Variants in SHROOM4 observed in about 807,000 individuals in gnomAD.
SHROOM4 encodes the protein shroom family member 4.
In SHROOM4, 17 loss-of-function variants were observed where a neutral mutation model predicts 80.3. The observed-to-expected ratio is 0.21, with a 90% CI of 0.14 to 0.32. SHROOM4 has a LOEUF of 0.32. Among genes scored for constraint, SHROOM4 ranks in the 10% least tolerant of loss-of-function variants. The pLI, the probability that SHROOM4 is intolerant of heterozygous loss-of-function variation, is 1.00. For synonymous variants in SHROOM4, 400 were observed against 437.5 expected (o/e 0.91, Z 1.07); for missense variants, 993 against 1,140.3 (o/e 0.87, Z 1.86).
At chrX:50,655,816 T>C (rs1310282161) in intron 2 of SHROOM4, among the ~76,000 whole-genome samples, 1 of 110,157 alleles carries the variant, frequency 9.1e-6, no homozygotes, top group Non-Finnish European at 1.9e-5. Flanking sequence ...TATAGTTCTA[T>C]TTTTAGTTTT....
At chrX:50,797,077 A>G (rs1365300791) in intron 1 of SHROOM4, among the ~76,000 whole-genome samples, 1 of 100,260 alleles carries the variant, frequency 1.0e-5, no homozygotes, top group Non-Finnish European at 2.0e-5. Context: ...AAGAAGAAAC[A>G]GAGAAAAGAG....
At chrX:50,772,566 T>A (rs1935419039) in intron 1 of SHROOM4, among the ~76,000 whole-genome samples, 1 of 111,070 alleles carries the variant, frequency 9.0e-6, no homozygotes, top group Admixed American at 9.6e-5. Context: ...TCAAAGCCAG[T>A]TATTATACTT....
chrX:50,792,873 C>A (rs782295730), intron 1 of SHROOM4, among the ~76,000 whole-genome samples: 1 of 103,275 alleles, frequency 9.7e-6, no homozygotes, highest in Non-Finnish European at 2.0e-5. Context: ...AAAATGGTGC[C>A]ACTGCTATGG....
chrX:50,704,613 C>G (rs781918934), intron 1 of SHROOM4, among the ~76,000 whole-genome samples: 7 of 111,593 alleles, frequency 6.3e-5, no homozygotes, highest in Non-Finnish European at 9.4e-5. Flanking sequence ...GTACACATAG[C>G]CAACATTAGT....
intron 1 of SHROOM4, among the ~76,000 whole-genome samples, chrX:50,759,932 G>A (rs1003650595): frequency 2.7e-5 from 3 of 111,689 alleles, no homozygotes; most frequent in Non-Finnish European, 5.6e-5. Flanking sequence ...TACTGCATAT[G>A]ATTTCTATTC....
At position 50,814,169 on chromosome X, in the gene SHROOM4, G is replaced by T. The variant is rs1260366398; in HGVS notation, c.-151C>A. 6.4e-6 allele frequency: 3 copies of T among 467,004 alleles called. No individual in the cohort carries two copies. The highest frequency in any genetic ancestry group is 1.1e-5 in the Non-Finnish European group (3 of 261,870). The allele number at this position is 467,004 out of a possible 1,213,427, so 38.5% of individuals were successfully genotyped here. On this transcript the variant is annotated 5_prime_UTR_variant, in exon 1 of 9. It adds an upstream start codon to the 5' untranslated region. Transcript: ENST00000376020. Reference sequence around the variant, plus strand: ...TCTCCCGGCTGGAGACGCTCAGGCAGCGAGCGAGCGCAAGGAGGAAATGAC... The same window carrying T: ...TCTCCCGGCTGGAGACGCTCAGGCATCGAGCGAGCGCAAGGAGGAAATGAC...
chrX:50,798,026 A>G (rs782049286), intron 1 of SHROOM4, among the ~76,000 whole-genome samples: 2 of 111,084 alleles, frequency 1.8e-5, no homozygotes, highest in East Asian at 5.7e-4. Flanking sequence ...AAATTGTGCT[A>G]GAAGAGAAGG....
At chrX:50,647,199 T>C (rs142990528) in intron 2 of SHROOM4, among the ~76,000 whole-genome samples, 87 of 111,891 alleles carry the variant, frequency 7.8e-4, no homozygotes, top group African/African-American at 2.7e-3. Flanking sequence ...ATACCAGTCA[T>C]AGACTTGTTT....
At chrX:50,763,690 G>C (rs1281401884) in intron 1 of SHROOM4, among the ~76,000 whole-genome samples, 1 of 111,502 alleles carries the variant, frequency 9.0e-6, no homozygotes, top group Non-Finnish European at 1.9e-5. Flanking sequence ...TATTTACCTA[G>C]TGATTGGTCA....
chrX:50,586,760 T>A (rs1295947894), downstream of SHROOM4, among the ~76,000 whole-genome samples: 1 of 112,283 alleles, frequency 8.9e-6, no homozygotes, highest in African/African-American at 3.2e-5. Context: ...GACAATTTTT[T>A]AAAAATCTCA....
intron 1 of SHROOM4, among the ~76,000 whole-genome samples, chrX:50,756,340 C>T (rs1935038277): frequency 8.9e-6 from 1 of 111,969 alleles, no homozygotes; most frequent in Non-Finnish European, 1.9e-5. Context: ...TTTTCACTGC[C>T]GAACAATATT....
intron 2 of SHROOM4, among the ~76,000 whole-genome samples, chrX:50,686,887 T>C (rs112984378): frequency 0.032 from 3,565 of 111,671 alleles, 149 homozygotes; most frequent in African/African-American, 0.11. Flanking sequence ...TAGCATTTAA[T>C]AAATATCTTG....
In SHROOM4 at chrX:50,596,797, A is replaced by G; in HGVS notation, c.4380T>C (p.Ala1460=). The change falls in exon 9 of 9, where the codon GCT becomes GCC. Residue 1460 remains alanine (A), a synonymous_variant. Transcript: ENST00000376020. ...CCAGCTCTCGCTGTTCAATGATGAG[A>G]GCAGATTTCATCTTGACAAAGTGCT... ...DYQHFVKMKS[A]LIIEQRELEE... 1.7e-6 allele frequency: 2 copies of G among 1,211,459 alleles called. No homozygotes were observed. The highest frequency in any genetic ancestry group is 2.2e-6 in the Non-Finnish European group (2 of 895,240).
chrX:50,655,141 T>C (rs892067975), intron 2 of SHROOM4, among the ~76,000 whole-genome samples: 14 of 109,787 alleles, frequency 1.3e-4, no homozygotes, highest in Non-Finnish European at 2.1e-4. Context: ...TATGGCTGCA[T>C]AGTATTCCAT....
chrX:50,684,097 C>A (rs1410677400), intron 2 of SHROOM4, among the ~76,000 whole-genome samples: 2 of 112,089 alleles, frequency 1.8e-5, no homozygotes, highest in African/African-American at 3.2e-5. Context: ...GGTGCCCCTG[C>A]AAAATTCATG....
In SHROOM4 at chrX:50,635,645, G is replaced by A; in HGVS notation, c.428C>T (p.Pro143Leu). The A allele has an allele frequency of 2.5e-6, 3 of 1,209,333 alleles. No homozygotes were observed. The highest frequency in any genetic ancestry group is 3.4e-6 in the Non-Finnish European group (3 of 894,911). Residue 143 changes from proline (P) to leucine (L), a missense_variant, in exon 4 of 9, where the codon CCA becomes CTA. Coordinates refer to ENST00000376020, the MANE Select transcript of SHROOM4 (RefSeq NM_020717.5). ...NTSDVCVQWC[P>L]LSRHCSTEKS... ...CTCGGTGCTGCAATGCCGGGAGAGT[G>A]GACACCACTGCACACACACGTCACT...
At position 50,593,600 on chromosome X, in the gene SHROOM4, G is replaced by A. The variant is rs1179323029; in HGVS notation, c.*3095C>T. On this transcript the variant is annotated 3_prime_UTR_variant, in exon 9 of 9. Coordinates refer to ENST00000376020, the MANE Select transcript of SHROOM4 (RefSeq NM_020717.5). The stretch of plus-strand genomic sequence containing the variant: ...TTGCAGAAATATTATTGGCATAGAC[G>A]ACTCCTCTGGCAAAGCTCCAAATGG... 9.9e-6 allele frequency: 1 copy of A among 100,810 alleles called. No homozygotes were observed. Among genetic ancestry groups the A allele is most frequent in the Non-Finnish European group, 1.9e-5 (1 of 51,517 alleles). 8.3% of individuals were successfully genotyped at this position (100,810 alleles called of 1,213,427 possible).
At chrX:50,662,755 A>G (rs1557260065) in intron 2 of SHROOM4, among the ~76,000 whole-genome samples, 1 of 111,709 alleles carries the variant, frequency 9.0e-6, no homozygotes, top group East Asian at 2.8e-4. Flanking sequence ...CAGTTCTACC[A>G]TATAATAATG....
intron 4 of SHROOM4, among the ~76,000 whole-genome samples, chrX:50,629,453 C>T (rs1225558073): frequency 2.7e-5 from 3 of 111,887 alleles, no homozygotes; most frequent in East Asian, 2.8e-4. Flanking sequence ...ATCTCAGTTT[C>T]CCCAACTATA....
Sources: gnomAD v4.1 joint callset for allele counts (sites outside exome capture counted in the v4.1 genomes callset) on GRCh38, gnomAD v4.1.1 for gene constraint, MANE v1.5 for transcripts, NCBI Gene and HGNC (gene_info 2026-07-23, HGNC 2026-07-21) for gene names.